RYR2: variants seen among roughly 807,000 people sequenced by gnomAD.
The protein encoded by RYR2 is cardiac muscle ryanodine receptor-calcium release channel.
A neutral mutation model predicts 601.1 loss-of-function variants in RYR2; 227 were observed. That is an observed-to-expected ratio of 0.38 (90% confidence interval 0.34 to 0.42). The LOEUF is 0.42. RYR2 is among the 10% of genes least tolerant of loss of function. The pLI, the probability that RYR2 is intolerant of heterozygous loss-of-function variation, is 1.00. For missense variants in RYR2, 4,646 were observed against 6,156.5 expected, an observed-to-expected ratio of 0.75 and a Z score of 8.21; for synonymous variants, 2,223 against 2,175.1, an observed-to-expected ratio of 1.02 and a Z score of -0.61.
At chr1:237,432,110 A>AG (rs1330485111) in intron 12 of RYR2, among the ~76,000 whole-genome samples, 5 of 112,850 alleles carry the variant, frequency 4.4e-5, no homozygotes, top group African/African-American at 1.4e-4. Context: ...TTTTTTTTTT[A>AG]TTCATTTCTT....
At chr1:237,088,549 G>T (rs182536225) in intron 1 of RYR2, among the ~76,000 whole-genome samples, 1 of 152,172 alleles carries the variant, frequency 6.6e-6, no homozygotes. Context: ...AAAAACAAAA[G>T]CCAGGGGCAT....
intron 36 of RYR2, among the ~76,000 whole-genome samples, chr1:237,612,611 G>A (rs1456862337): frequency 1.3e-5 from 2 of 150,682 alleles, no homozygotes; most frequent in African/African-American, 2.4e-5. Context: ...CTTTTTTTTT[G>A]TGAGAAGAGT....
intron 25 of RYR2, among the ~76,000 whole-genome samples, chr1:237,532,716 A>G (rs944749737): frequency 3.3e-5 from 5 of 152,126 alleles, no homozygotes; most frequent in East Asian, 1.9e-4. Flanking sequence ...CATTTAATCA[A>G]TTGTATCAAA....
At chr1:237,669,472 A>T (rs1684656689) in intron 58 of RYR2, among the ~76,000 whole-genome samples, 5 of 148,524 alleles carry the variant, frequency 3.4e-5, no homozygotes, top group Admixed American at 3.4e-4. Context: ...GGCGCCCCTC[A>T]CCTCCCGGAC....
intron 1 of RYR2, among the ~76,000 whole-genome samples, chr1:237,055,460 TG>T (rs1254464050): frequency 2.0e-5 from 3 of 152,078 alleles, no homozygotes; most frequent in Non-Finnish European, 4.4e-5. Context: ...ACCACGGAGC[TG>T]GTGCAAGATA....
intron 14 of RYR2, among the ~76,000 whole-genome samples, chr1:237,446,472 G>T: frequency 6.6e-6 from 1 of 152,048 alleles, no homozygotes; most frequent in South Asian, 2.1e-4. Context: ...GTCATCATAA[G>T]TTGCAAACCT....
At chr1:237,107,315 A>T (rs990395836) in intron 1 of RYR2, among the ~76,000 whole-genome samples, 1 of 151,338 alleles carries the variant, frequency 6.6e-6, no homozygotes, top group Non-Finnish European at 1.5e-5. Flanking sequence ...AGGTCAGGAG[A>T]TCGAGACCAT....
At chr1:237,059,780 T>C (rs879423756) in intron 1 of RYR2, among the ~76,000 whole-genome samples, 1 of 152,234 alleles carries the variant, frequency 6.6e-6, no homozygotes, top group Non-Finnish European at 1.5e-5. Flanking sequence ...AAATATTGGA[T>C]TGACCACGGT....
intron 80 of RYR2, among the ~76,000 whole-genome samples, chr1:237,751,760 AACT>A (rs1558342056): frequency 6.6e-6 from 1 of 152,234 alleles, no homozygotes; most frequent in South Asian, 2.1e-4. Context: ...CAGCATTAGA[AACT>A]TTGCTTATCC....
chr1:237,395,794 C>T (rs1409279487), intron 10 of RYR2, among the ~76,000 whole-genome samples: 1 of 152,070 alleles, frequency 6.6e-6, no homozygotes, highest in Non-Finnish European at 1.5e-5. Flanking sequence ...GATGCGCCCT[C>T]CTCGATGTCC....
chr1:237,231,715 G>C (rs1167753459), intron 1 of RYR2, among the ~76,000 whole-genome samples: 1 of 152,172 alleles, frequency 6.6e-6, no homozygotes, highest in Non-Finnish European at 1.5e-5. Context: ...TCCCCAGCCA[G>C]GCAGTCTGGG....
At chr1:237,326,818 C>T (rs552322779) in intron 2 of RYR2, among the ~76,000 whole-genome samples, 3 of 152,272 alleles carry the variant, frequency 2.0e-5, no homozygotes, top group Admixed American at 6.5e-5. Context: ...CCTTATCTTC[C>T]ATTCCTGGCA....
At chr1:237,517,073 C>T (rs1420073914) in intron 24 of RYR2, among the ~76,000 whole-genome samples, 1 of 152,206 alleles carries the variant, frequency 6.6e-6, no homozygotes, top group Non-Finnish European at 1.5e-5. Flanking sequence ...CAATCTGACA[C>T]CCCTCCTGTT....
chr1:237,208,712 G>A (rs1409017543), intron 1 of RYR2, among the ~76,000 whole-genome samples: 1 of 151,758 alleles, frequency 6.6e-6, no homozygotes, highest in Non-Finnish European at 1.5e-5. Flanking sequence ...TTCTGTGTGT[G>A]TGATGGAAAC....
intron 1 of RYR2, among the ~76,000 whole-genome samples, chr1:237,262,514 C>G (rs937449689): frequency 3.9e-5 from 6 of 152,048 alleles, no homozygotes; most frequent in Admixed American, 2.6e-4. Flanking sequence ...GCCTCGGCCT[C>G]CCAAAGTGCT....
At chr1:237,715,992 T>C (rs1689234471) in intron 71 of RYR2, among the ~76,000 whole-genome samples, 1 of 152,196 alleles carries the variant, frequency 6.6e-6, no homozygotes, top group South Asian at 2.1e-4. Context: ...GAATAATCTC[T>C]TACAAGTTGG....
intron 1 of RYR2, among the ~76,000 whole-genome samples, chr1:237,211,657 C>A (rs1253289123): frequency 2.0e-5 from 3 of 152,194 alleles, no homozygotes; most frequent in Admixed American, 6.5e-5. Context: ...TTTGCTTTAT[C>A]ATTTATCCAT....
intron 1 of RYR2, among the ~76,000 whole-genome samples, chr1:237,269,754 G>T (rs1689493696): frequency 6.6e-6 from 1 of 152,252 alleles, no homozygotes; most frequent in African/African-American, 2.4e-5. Flanking sequence ...TGGTGAGCTG[G>T]GATGGGAATC....
chr1:237,336,943 C>G lies in RYR2; in HGVS notation c.273+5961C>G, dbSNP rs940948657. On this transcript the variant is annotated intron_variant, in intron 3 of 104. Transcript: ENST00000366574. ...AACCCCTATCTCTTTAAGACATGTA[C>G]TCTAAGAACATTCAAAAATGCATGG... Among the ~76,000 whole-genome samples, 3 of 149,498 alleles carry G rather than the reference C, an allele frequency of 2.0e-5. No homozygotes were observed. The Admixed American group carries it at 2.0e-4, about 10-fold the overall frequency.
Sources: gnomAD v4.1 joint callset for allele counts (sites outside exome capture counted in the v4.1 genomes callset) on GRCh38, gnomAD v4.1.1 for gene constraint, MANE v1.5 for transcripts, NCBI Gene and HGNC (gene_info 2026-07-23, HGNC 2026-07-21) for gene names.